Variants in KDM4B observed in about 807,000 individuals in gnomAD.
KDM4B encodes the protein lysine demethylase 4B.
A neutral mutation model predicts 125.2 loss-of-function variants in KDM4B; 32 were observed. That is an observed-to-expected ratio of 0.26 (90% CI 0.19 to 0.34). KDM4B has a LOEUF of 0.34. Ranked by LOEUF, KDM4B falls within the 10% of genes least tolerant of loss-of-function variation. KDM4B has a pLI of 1.00. For synonymous variants in KDM4B, 721 were observed against 677.9 expected, an observed-to-expected ratio of 1.06 and a Z score of -0.99; for missense variants, 1,190 against 1,577.7, an observed-to-expected ratio of 0.75 and a Z score of 4.16.
chr19:4,993,643 C>T (rs950403354), intron 1 of KDM4B, among the ~76,000 whole-genome samples: 1 of 151,608 alleles, frequency 6.6e-6, no homozygotes, highest in Non-Finnish European at 1.5e-5. Flanking sequence ...TGGAGTCTTG[C>T]ACTTTTGCCC....
At chr19:5,137,184 C>G (rs901478085) in intron 15 of KDM4B, 78 bp from the exon 16 acceptor site, 7 of 992,662 alleles carry the variant, frequency 7.1e-6, no homozygotes, top group Non-Finnish European at 1.1e-5. Context: ...AGTTACCCGG[C>G]CCCTCCCCCT....
chr19:5,137,110 G>A (rs570476267), intron 15 of KDM4B, 152 bp from the exon 16 acceptor site: 10 of 625,198 alleles, frequency 1.6e-5, no homozygotes, highest in Admixed American at 9.6e-5. Flanking sequence ...GGAACAGCAC[G>A]CACCCTGAAT....
At chr19:5,025,202 T>C (rs1382688820) in intron 2 of KDM4B, among the ~76,000 whole-genome samples, 1 of 151,536 alleles carries the variant, frequency 6.6e-6, no homozygotes, top group African/African-American at 2.4e-5. Flanking sequence ...AACCTAGGGG[T>C]GGGGCGTGGT....
chr19:5,133,705 G>A (rs1361427779), intron 13 of KDM4B, among the ~76,000 whole-genome samples, 178 bp from the exon 14 acceptor site: 1 of 152,218 alleles, frequency 6.6e-6, no homozygotes, highest in Non-Finnish European at 1.5e-5. Flanking sequence ...TCAGCTTGAT[G>A]GGCATTGTGG....
At chr19:5,099,704 G>T (rs1171012943) in intron 9 of KDM4B, among the ~76,000 whole-genome samples, 1 of 152,182 alleles carries the variant, frequency 6.6e-6, no homozygotes, top group Non-Finnish European at 1.5e-5. Flanking sequence ...GGGCCTGAGG[G>T]TGGCACCCTC....
intron 21 of KDM4B, among the ~76,000 whole-genome samples, chr19:5,147,698 G>C (rs1367143349): frequency 1.4e-5 from 2 of 147,768 alleles, no homozygotes; most frequent in African/African-American, 5.1e-5. Context: ...ATCCAAGATC[G>C]CGCCACTGCA....
intron 21 of KDM4B, among the ~76,000 whole-genome samples, chr19:5,145,217 G>GT (rs576512998): frequency 0.075 from 10,964 of 145,838 alleles, 448 homozygotes; most frequent in Non-Finnish European, 0.098. Context: ...GTACCCCTGG[G>GT]TTTTTTTTTT....
intron 18 of KDM4B, among the ~76,000 whole-genome samples, chr19:5,139,213 CTT>C: frequency 6.6e-6 from 1 of 152,250 alleles, no homozygotes; most frequent in African/African-American, 2.4e-5. Context: ...CGAGTGGTGT[CTT>C]TCATTTGGCA....
chr19:5,070,974 C>T (rs759249293), intron 6 of KDM4B, 36 bp from the exon 7 acceptor site: 41 of 1,612,430 alleles, frequency 2.5e-5, no homozygotes, highest in South Asian at 1.5e-4. Context: ...TGGCTGCCAC[C>T]GATCTTGCCT....
rs192991622 is a variant in KDM4B at position 5,017,404 on chromosome 19, T to C, written c.-26+1065T>C. ...CTGAGCATTGTCCCTGGTTGCCTTC[T>C]CCTCACAGTGGGAGAAGTGACTAGC... On this transcript the variant is annotated intron_variant, in intron 2 of 22. Coordinates refer to ENST00000159111, the MANE Select transcript of KDM4B (RefSeq NM_015015.3). Among the ~76,000 whole-genome samples the C allele has an allele frequency of 1.1e-4, 16 of 152,282 alleles. 1 individual carries two copies. Among genetic ancestry groups the C allele is most frequent in the Admixed American group, 1.0e-3 (16 of 15,298 alleles).
At chr19:5,043,087 C>T (rs1315103681) in intron 5 of KDM4B, among the ~76,000 whole-genome samples, 3 of 150,978 alleles carry the variant, frequency 2.0e-5, no homozygotes, top group African/African-American at 7.3e-5. Flanking sequence ...ATTTTTGGAG[C>T]GGGGGTGTCC....
At chr19:5,074,322 C>G (rs1364650077) in intron 7 of KDM4B, 1 of 152,298 alleles carries the variant, frequency 6.6e-6, no homozygotes, top group Non-Finnish European at 1.5e-5. Context: ...CTACCCGACC[C>G]CCCTTGTGTT....
At chr19:5,055,561 G>C (rs2037368757) in intron 6 of KDM4B, among the ~76,000 whole-genome samples, 1 of 152,180 alleles carries the variant, frequency 6.6e-6, no homozygotes, top group Non-Finnish European at 1.5e-5. Context: ...TGGCCGTGAT[G>C]GGGGCCGGGT....
intron 6 of KDM4B, among the ~76,000 whole-genome samples, chr19:5,048,461 C>T (rs1387275585): frequency 1.3e-5 from 2 of 152,194 alleles, no homozygotes; most frequent in Non-Finnish European, 2.9e-5. Context: ...AGGTGGCGCT[C>T]CCGCCCTTCC....
rs186553411 is a variant in KDM4B, at chr19:5,119,144, A to G, written c.1116-509A>G. The G allele has an allele frequency of 2.3e-5, 35 of 1,534,280 alleles. No individual in the cohort carries two copies. The Admixed American group carries it at 5.7e-4, about 25-fold the overall frequency. On this transcript the variant is annotated intron_variant, in intron 10 of 22. Transcript: ENST00000159111. Reference sequence around the variant, plus strand: ...CAAATTAGTCTGAAAGAAAACAGACACTGGAGAAAGACTGAGGAGGAGAGG... The same window carrying G: ...CAAATTAGTCTGAAAGAAAACAGACGCTGGAGAAAGACTGAGGAGGAGAGG...
chr19:5,073,060 G>A lies in KDM4B; in HGVS notation c.676+2001G>A, dbSNP rs192564991. ...TTCTGAGGACCCATGGAATGACATC[G>A]GATCACCCGGATAGCCAGGGTGCTC... On this transcript the variant is annotated intron_variant, in intron 7 of 22. Transcript: ENST00000159111. Among the ~76,000 whole-genome samples, 521 of 152,230 alleles carry A rather than the reference G, an allele frequency of 3.4e-3. 4 individuals carry two copies. Among genetic ancestry groups the A allele is most frequent in the Admixed American group, 0.012 (177 of 15,292 alleles).
At chr19:5,056,889 C>T (rs1399204390) in intron 6 of KDM4B, among the ~76,000 whole-genome samples, 6 of 25,166 alleles carry the variant, frequency 2.4e-4, no homozygotes, top group African/African-American at 7.6e-4. Context: ...GACGCTGGGG[C>T]GGGGAGTCCT....
intron 1 of KDM4B, among the ~76,000 whole-genome samples, chr19:4,977,477 C>T (rs2034487972): frequency 6.6e-6 from 1 of 152,220 alleles, no homozygotes; most frequent in Non-Finnish European, 1.5e-5. Context: ...TTTCCCCCTG[C>T]ATAGACCTCC....
intron 16 of KDM4B, 31 bp downstream of exon 16, chr19:5,137,369 T>C (rs1252896540): frequency 1.9e-6 from 3 of 1,541,118 alleles, no homozygotes; most frequent in African/African-American, 2.7e-5. Flanking sequence ...GGGGTGGTGC[T>C]CTGAGAGGCC....
Sources: gnomAD v4.1 joint callset for allele counts (sites outside exome capture counted in the v4.1 genomes callset) on GRCh38, gnomAD v4.1.1 for gene constraint, MANE v1.5 for transcripts, NCBI Gene and HGNC (gene_info 2026-07-23, HGNC 2026-07-21) for gene names.